NRXN3: variants seen among roughly 807,000 people sequenced by gnomAD.
NRXN3 encodes the protein neurexin III.
A neutral mutation model predicts 137.6 loss-of-function variants in NRXN3; 32 were observed. The observed-to-expected ratio is 0.23, with a 90% CI of 0.18 to 0.31. The LOEUF is 0.31. Among genes scored for constraint, NRXN3 ranks in the 10% least tolerant of loss-of-function variants. The pLI is 1.00. For synonymous variants in NRXN3, 798 were observed against 784.5 expected (o/e 1.02, Z -0.29); for missense variants, 1,574 against 2,062.5 (o/e 0.76, Z 4.59).
intron 16 of NRXN3, among the ~76,000 whole-genome samples, chr14:79,596,047 GTT>G (rs199980682): frequency 2.2e-5 from 3 of 139,248 alleles, no homozygotes; most frequent in Non-Finnish European, 1.6e-5. Flanking sequence ...CTTGGGATGG[GTT>G]TTTTTTTTTT....
intron 1 of NRXN3, among the ~76,000 whole-genome samples, chr14:78,177,281 G>A (rs1224450363): frequency 6.6e-6 from 1 of 152,140 alleles, no homozygotes; most frequent in Non-Finnish European, 1.5e-5. Flanking sequence ...ATACAATATG[G>A]GTGAAGGCCT....
chr14:78,263,171 G>A (rs1322912401), intron 2 of NRXN3, among the ~76,000 whole-genome samples: 1 of 152,088 alleles, frequency 6.6e-6, no homozygotes, highest in Non-Finnish European at 1.5e-5. Context: ...CTTGGTAGTA[G>A]AGAAATACAG....
rs369833017 is a variant in NRXN3 at position 78,739,465 on chromosome 14, A to G, written c.2044+24326A>G. ...GAGCCTTGGGTACTCTTTCACAGAC[A>G]ACTCTTTATATCTTGTTTTATTTTT... is the stretch of plus-strand genomic sequence containing the variant. On this transcript the variant is annotated intron_variant, in intron 8 of 20. Coordinates refer to ENST00000335750, the MANE Select transcript of NRXN3 (RefSeq NM_001330195.2). Among the ~76,000 whole-genome samples the G allele has an allele frequency of 1.7e-4, 26 of 152,226 alleles. 1 individual carries two copies. Among genetic ancestry groups the G allele is most frequent in the East Asian group, 7.7e-4 (4 of 5,176 alleles).
intron 15 of NRXN3, among the ~76,000 whole-genome samples, chr14:79,122,524 C>T (rs932998674): frequency 2.0e-5 from 3 of 152,070 alleles, no homozygotes; most frequent in Admixed American, 6.6e-5. Context: ...AGTTAGGAAT[C>T]GTTTTCTGAA....
At chr14:78,286,230 G>A (rs2075162598) in intron 3 of NRXN3, among the ~76,000 whole-genome samples, 1 of 152,218 alleles carries the variant, frequency 6.6e-6, no homozygotes, top group Non-Finnish European at 1.5e-5. Context: ...TGTTGCTCCA[G>A]TGTTGAGGGC....
chr14:78,719,567 A>C (rs8008442), intron 8 of NRXN3, among the ~76,000 whole-genome samples: 148,715 of 152,324 alleles, frequency 0.98, 72,663 homozygotes, highest in Non-Finnish European at 0.99. Context: ...AGAGGCCAGG[A>C]GTGGTGGCTC....
At chr14:78,543,145 A>G (rs1012266355) in intron 4 of NRXN3, among the ~76,000 whole-genome samples, 6 of 152,086 alleles carry the variant, frequency 3.9e-5, no homozygotes, top group African/African-American at 1.4e-4. Context: ...ATTCAAGGTG[A>G]TGGTTATCTG....
chr14:79,414,620 T>G (rs2095470212), intron 15 of NRXN3, among the ~76,000 whole-genome samples: 1 of 152,124 alleles, frequency 6.6e-6, no homozygotes, highest in Non-Finnish European at 1.5e-5. Context: ...CAACATAATG[T>G]TTGATGTATA....
At chr14:79,294,546 T>C (rs1033986640) in intron 15 of NRXN3, among the ~76,000 whole-genome samples, 1 of 152,150 alleles carries the variant, frequency 6.6e-6, no homozygotes, top group South Asian at 2.1e-4. Flanking sequence ...TTTAAGCTGA[T>C]GTAATCAAAA....
intron 6 of NRXN3, among the ~76,000 whole-genome samples, chr14:78,705,907 G>T (rs1594957205): frequency 6.6e-6 from 1 of 152,292 alleles, no homozygotes; most frequent in East Asian, 1.9e-4. Context: ...CCAGTTTCTG[G>T]CCCTTGCTTC....
rs544788053 is a variant in NRXN3, at chr14:79,649,265, A to G, written c.3445-14513A>G. On this transcript the variant is annotated intron_variant, in intron 16 of 20. Transcript: ENST00000335750. ...CATTGCTTGGATGATGTCTTCCCTG[A>G]CTGCCTGTGAGCCTCTGGCCAGGAT... 3.9e-5 allele frequency among the ~76,000 whole-genome samples: 6 copies of G among 152,232 alleles called. No homozygotes were observed. The East Asian group carries it at 1.2e-3, about 30-fold the overall frequency.
At chr14:79,515,569 T>C (rs1271836367) in intron 16 of NRXN3, among the ~76,000 whole-genome samples, 1 of 147,552 alleles carries the variant, frequency 6.8e-6, no homozygotes, top group Non-Finnish European at 1.5e-5. Flanking sequence ...TAAAGAGTAG[T>C]TTCTTACATG....
At chr14:78,216,243 A>G (rs2063269464) in intron 1 of NRXN3, among the ~76,000 whole-genome samples, 1 of 151,910 alleles carries the variant, frequency 6.6e-6, no homozygotes, top group Non-Finnish European at 1.5e-5. Flanking sequence ...TCTGGGGCTA[A>G]TTGTCTTTTC....
At chr14:78,229,841 T>C (rs1343681230) in intron 1 of NRXN3, among the ~76,000 whole-genome samples, 1 of 152,096 alleles carries the variant, frequency 6.6e-6, no homozygotes, top group Non-Finnish European at 1.5e-5. Flanking sequence ...AGTGTGAGGG[T>C]TGGTAGCACC....
At chr14:78,737,127 T>C (rs2098544555) in intron 8 of NRXN3, among the ~76,000 whole-genome samples, 1 of 152,210 alleles carries the variant, frequency 6.6e-6, no homozygotes, top group South Asian at 2.1e-4. Flanking sequence ...AAGAGGAATG[T>C]TTCTTTTATC....
chr14:78,900,765 A>G (rs1304793353), intron 10 of NRXN3, among the ~76,000 whole-genome samples: 1 of 152,062 alleles, frequency 6.6e-6, no homozygotes, highest in East Asian at 1.9e-4. Flanking sequence ...GCTGAGAAAG[A>G]GAAGGGTAAA....
At chr14:78,693,586 C>G (rs2098194487) in intron 6 of NRXN3, among the ~76,000 whole-genome samples, 1 of 150,074 alleles carries the variant, frequency 6.7e-6, no homozygotes, top group African/African-American at 2.5e-5. Context: ...AATAATAATT[C>G]CTTTCAAAGT....
intron 15 of NRXN3, among the ~76,000 whole-genome samples, chr14:79,456,375 A>G (rs2096256769): frequency 1.3e-5 from 2 of 152,170 alleles, no homozygotes; most frequent in African/African-American, 4.8e-5. Context: ...TCTAGTTGTG[A>G]AAGAACCCAA....
At chr14:79,592,232 C>A (rs148675707) in intron 16 of NRXN3, among the ~76,000 whole-genome samples, 6 of 152,210 alleles carry the variant, frequency 3.9e-5, no homozygotes, top group Admixed American at 6.5e-5. Flanking sequence ...TGAGACTCAG[C>A]GGATTGCTTT....
Sources: gnomAD v4.1 joint callset for allele counts (sites outside exome capture counted in the v4.1 genomes callset) on GRCh38, gnomAD v4.1.1 for gene constraint, MANE v1.5 for transcripts, NCBI Gene and HGNC (gene_info 2026-07-23, HGNC 2026-07-21) for gene names.